ZNF684: variants seen among roughly 807,000 people sequenced by gnomAD.
ZNF684 encodes hypothetical protein MGC27466.
Under a neutral mutation model 12.8 loss-of-function variants are expected in ZNF684, and 13 were observed. That is an observed-to-expected ratio of 1.02 (90% CI 0.66 to 1.62). The LOEUF is 1.62. Ranked by LOEUF, ZNF684 falls within the 40% of genes most tolerant of loss-of-function variation. The probability of loss-of-function intolerance (pLI) is 0.00; values close to 1 mark genes in which losing one functional copy is unlikely to be tolerated. For synonymous variants in ZNF684, 118 were observed against 151.8 expected, an observed-to-expected ratio of 0.78 and a Z score of 1.64; for missense variants, 384 against 446.9, an observed-to-expected ratio of 0.86 and a Z score of 1.27.
chr1:40,544,193 C>T (rs1646031560), intron 4 of ZNF684, among the ~76,000 whole-genome samples: 1 of 151,906 alleles, frequency 6.6e-6, no homozygotes, highest in South Asian at 2.1e-4. Context: ...TTCAACAAGG[C>T]TTTTAAAAAT....
intron 2 of ZNF684, among the ~76,000 whole-genome samples, chr1:40,536,077 A>G (rs1027123382): frequency 2.0e-5 from 3 of 152,178 alleles, no homozygotes; most frequent in African/African-American, 7.2e-5. Flanking sequence ...TCCATTAAAC[A>G]TGATTTTGGA....
At chr1:40,535,707 A>G (rs750678684) in intron 2 of ZNF684, among the ~76,000 whole-genome samples, 64 of 152,130 alleles carry the variant, frequency 4.2e-4, no homozygotes, top group Non-Finnish European at 8.8e-4. Context: ...TCAGTAATAT[A>G]ATATATCTTG....
chr1:40,546,801 G>A lies in ZNF684; in HGVS notation c.478G>A (p.Glu160Lys). Residue 160 changes from glutamate to lysine, a missense_variant, in exon 5 of 5, where the codon GAA becomes AAA. Coordinates refer to ENST00000372699, the MANE Select transcript of ZNF684 (RefSeq NM_152373.4). ...NRSYTVENAY[E>K]CSECGKAFKK... is the part of the protein sequence containing the mutation. ...AAGTTATACTGTAGAAAACGCTTATGAATGCAGTGAATGCGGGAAAGCCTT... is the reference window on the plus strand; with the variant it reads ...AAGTTATACTGTAGAAAACGCTTATAAATGCAGTGAATGCGGGAAAGCCTT... The A allele has an allele frequency of 6.2e-7, 1 of 1,611,700 alleles. No homozygotes were observed. Among genetic ancestry groups the A allele is most frequent in the Non-Finnish European group, 8.5e-7 (1 of 1,179,452 alleles).
intron 4 of ZNF684, among the ~76,000 whole-genome samples, chr1:40,544,039 G>A (rs1646030754): frequency 1.3e-5 from 2 of 150,562 alleles, no homozygotes; most frequent in Admixed American, 1.3e-4. Flanking sequence ...CCTGTTTTAT[G>A]CAGAGCACAT....
At chr1:40,535,956 G>A (rs1426796544) in intron 2 of ZNF684, among the ~76,000 whole-genome samples, 1 of 152,172 alleles carries the variant, frequency 6.6e-6, no homozygotes. Context: ...AAAAACAGGA[G>A]GCCAGTCCAT....
rs781703726 is a variant in ZNF684 at position 40,546,696 on chromosome 1, C to T, written c.373C>T (p.Leu125Phe). The T allele has an allele frequency of 6.2e-6, 10 of 1,613,738 alleles. No individual in the cohort carries two copies. Among genetic ancestry groups the T allele is most frequent in the African/African-American group, 1.3e-5 (1 of 75,020 alleles). ...RIHHYNMSTS[L>F]NPMRKKSYKS... Reference sequence around the variant, plus strand: ...CCACCATTATAATATGAGCACAAGTCTTAATCCAATGAGAAAAAAATCATA... The same window carrying T: ...CCACCATTATAATATGAGCACAAGTTTTAATCCAATGAGAAAAAAATCATA... The change falls in exon 5 of 5, where the codon CTT (leucine) becomes TTT (phenylalanine). Residue 125 changes from leucine to phenylalanine, a missense_variant. Physicochemically the swap from Leu to Phe is conservative, Grantham distance 22. Coordinates refer to ENST00000372699, the MANE Select transcript of ZNF684 (RefSeq NM_152373.4).
At chr1:40,541,192 GT>G (rs372463471) in intron 3 of ZNF684, 61,479 of 139,722 alleles carry the variant, frequency 0.44, 13,561 homozygotes, top group African/African-American at 0.57. Context: ...GGTCTGTTCT[GT>G]TTTTTTTTTT....
intron 4 of ZNF684, among the ~76,000 whole-genome samples, chr1:40,542,137 A>T (rs944144585): frequency 6.6e-6 from 1 of 152,200 alleles, no homozygotes; most frequent in Non-Finnish European, 1.5e-5. Context: ...ATTTTGTAGC[A>T]TAATTTTCTT....
At chr1:40,542,761 C>G (rs1161774247) in intron 4 of ZNF684, among the ~76,000 whole-genome samples, 2 of 152,174 alleles carry the variant, frequency 1.3e-5, no homozygotes, top group African/African-American at 2.4e-5. Flanking sequence ...TTTGCAGTCT[C>G]AAAACCACTG....
At position 40,541,724 on chromosome 1, in the gene ZNF684, A is replaced by C; in HGVS notation, c.238+14A>C. On this transcript the variant is annotated intron_variant, in intron 4 of 4. Transcript: ENST00000372699. ...AGAGCTCTCCAGGTGAGTGAGAGAA[A>C]TTCAGATGGGGCTGTGTGGAGTTGA... The C allele has an allele frequency of 2.5e-6, 4 of 1,605,998 alleles. No homozygotes were observed. The highest frequency in any genetic ancestry group is 3.4e-6 in the Non-Finnish European group (4 of 1,173,878).
At position 40,540,569 on chromosome 1, in the gene ZNF684, T is replaced by G; in HGVS notation, c.16-17T>G. 4 of 1,579,976 alleles carry G rather than the reference T, an allele frequency of 2.5e-6. No homozygotes were observed. The highest frequency in any genetic ancestry group is 3.4e-6 in the Non-Finnish European group (4 of 1,163,482). On this transcript the variant is annotated splice_polypyrimidine_tract_variant and intron_variant, in intron 2 of 4. Coordinates refer to ENST00000372699, the MANE Select transcript of ZNF684 (RefSeq NM_152373.4). ...AGTGATACACACTTTAGTTTGAAGA[T>G]AAATGTGCTGTTACAGGAATCAGTG...
At chr1:40,539,740 A>ATT (rs11456587) in intron 2 of ZNF684, among the ~76,000 whole-genome samples, 1 of 150,120 alleles carries the variant, frequency 6.7e-6, no homozygotes, top group African/African-American at 2.4e-5. Context: ...TTTTCTTTTT[A>ATT]TTTTTTTTTC....
intron 1 of ZNF684, 22 bp from the exon 2 acceptor site, chr1:40,533,121 T>G: frequency 1.9e-6 from 3 of 1,606,608 alleles, no homozygotes; most frequent in Non-Finnish European, 2.6e-6. Context: ...TTCTATTCTC[T>G]TCCCCATTTC....
In ZNF684 at chr1:40,547,518, A is replaced by G. The variant is rs1380955997; in HGVS notation, c.*58A>G. 3.5e-6 allele frequency: 5 copies of G among 1,414,318 alleles called. No individual in the cohort carries two copies. In the African/African-American group the frequency reaches 7.3e-5, roughly 21 times the overall value. 87.6% of individuals were successfully genotyped at this position (1,414,318 alleles called of 1,614,324 possible). ...AAATATTTGCTAAATCTTATTAAAT[A>G]CTAAAGAATTCATGGTGAGAAGTCT... is the stretch of plus-strand genomic sequence containing the variant. On this transcript the variant is annotated 3_prime_UTR_variant, in exon 5 of 5. Coordinates refer to ENST00000372699, the MANE Select transcript of ZNF684 (RefSeq NM_152373.4).
chr1:40,547,766 C>T lies in ZNF684; in HGVS notation c.*306C>T. 5.0e-6 allele frequency: 1 copy of T among 198,664 alleles called. No homozygotes were observed. 12.3% of individuals were successfully genotyped at this position (198,664 alleles called of 1,614,324 possible). A position where few individuals can be genotyped will look rare whatever the true frequency, so the allele number is the denominator to read the frequency against. ...TAATTTTTATAATAAAATAATTATGCAAGTGTGAGTTTAAAATATATGCTT... is the reference window on the plus strand; with the variant it reads ...TAATTTTTATAATAAAATAATTATGTAAGTGTGAGTTTAAAATATATGCTT... On this transcript the variant is annotated 3_prime_UTR_variant, in exon 5 of 5. Transcript: ENST00000372699.
intron 2 of ZNF684, among the ~76,000 whole-genome samples, chr1:40,538,327 G>C (rs1416205581): frequency 6.6e-6 from 1 of 152,104 alleles, no homozygotes; most frequent in Non-Finnish European, 1.5e-5. Flanking sequence ...CCATGTTGTA[G>C]ATGTACCAGT....
chr1:40,534,369 T>C lies in ZNF684; in HGVS notation c.15+1188T>C, dbSNP rs191931177. ...GATTCTCCTGCCTCAGCTTCCTGAG[T>C]AGGTGGGATTACAGGTGCCCGCCAC... is the stretch of plus-strand genomic sequence containing the variant. On this transcript the variant is annotated intron_variant, in intron 2 of 4. Coordinates refer to ENST00000372699, the MANE Select transcript of ZNF684 (RefSeq NM_152373.4). Among the ~76,000 whole-genome samples, 1,136 of 149,884 alleles carry C rather than the reference T, an allele frequency of 7.6e-3. 8 individuals are homozygous for C. Among genetic ancestry groups the C allele is most frequent in the Middle Eastern group, 0.014 (4 of 282 alleles).
chr1:40,533,036 G>T, intron 1 of ZNF684, 107 bp from the exon 2 acceptor site: 1 of 829,188 alleles, frequency 1.2e-6, no homozygotes, highest in Non-Finnish European at 1.9e-6. Context: ...GGCATTTTCT[G>T]AGGCTGCAGT....
rs370629911 is a variant in ZNF684 at position 40,538,928 on chromosome 1, C to A, written c.16-1658C>A. On this transcript the variant is annotated intron_variant, in intron 2 of 4. Transcript: ENST00000372699. Reference sequence around the variant, plus strand: ...ACTATGGATTACAGGTAGCTCATGCCTGTAATCCCAGCCTTTGGGAGGCTG... The same window carrying A: ...ACTATGGATTACAGGTAGCTCATGCATGTAATCCCAGCCTTTGGGAGGCTG... 3.3e-5 allele frequency among the ~76,000 whole-genome samples: 5 copies of A among 152,070 alleles called. No homozygotes were observed. The East Asian group carries it at 7.8e-4, about 24-fold the overall frequency.
Sources: allele counts gnomAD v4.1 joint callset (sites outside exome capture counted in the v4.1 genomes callset), GRCh38; gene constraint gnomAD v4.1.1; transcripts MANE v1.5; gene names NCBI Gene and HGNC (gene_info 2026-07-23, HGNC 2026-07-21).